MAPRE2: variants seen among roughly 807,000 people sequenced by gnomAD.
MAPRE2 encodes microtubule associated protein RP/EB family member 2, also known as microtubule-associated protein RP/EB family member 2.
MAPRE2 carries 13 observed loss-of-function variants against 43.2 expected under a neutral mutation model. The ratio of observed to expected loss-of-function variants is 0.30; its 90% CI spans 0.20 to 0.48. MAPRE2 has a LOEUF of 0.48. MAPRE2 is among the 20% of genes least tolerant of loss of function. The pLI is 0.99. For missense variants in MAPRE2, 161 were observed against 400.2 expected, an observed-to-expected ratio of 0.40 and a Z score of 5.10; for synonymous variants, 135 against 148.8, an observed-to-expected ratio of 0.91 and a Z score of 0.68.
chr18:35,083,214 A>G (rs149767107), intron 2 of MAPRE2, among the ~76,000 whole-genome samples: 10 of 152,314 alleles, frequency 6.6e-5, no homozygotes, highest in African/African-American at 2.2e-4. Context: ...TATTTAATCA[A>G]TCCTTTAAAA....
At chr18:35,096,366 AAAAGG>A (rs1470662164) in intron 2 of MAPRE2, among the ~76,000 whole-genome samples, 1 of 152,220 alleles carries the variant, frequency 6.6e-6, no homozygotes, top group East Asian at 1.9e-4. Flanking sequence ...CTTGTAAAAG[AAAAGG>A]AATCATTCTG....
chr18:35,132,138 A>G lies in MAPRE2; in HGVS notation c.857A>G (p.Asn286Ser). 6.2e-7 allele frequency: 1 copy of G among 1,614,248 alleles called. No homozygotes were observed. Among genetic ancestry groups the G allele is most frequent in the East Asian group, 2.2e-5 (1 of 44,888 alleles). Residue 286 changes from asparagine (N) to serine (S), a missense_variant, in exon 6 of 7, where the codon AAT becomes AGT. By Grantham distance (46) the Asn-to-Ser change is conservative. Coordinates refer to ENST00000300249, the MANE Select transcript of MAPRE2 (RefSeq NM_014268.4). Reference sequence around the variant, plus strand: ...CTCTGCCAAGAACACGGGCAGGAAAATGATGACCTCGTGCAGAGACTAATG... The same window carrying G: ...CTCTGCCAAGAACACGGGCAGGAAAGTGATGACCTCGTGCAGAGACTAATG... ...ELLCQEHGQE[N>S]DDLVQRLMDI... is the part of the protein sequence containing the mutation.
At chr18:35,094,686 A>G (rs182754373) in intron 2 of MAPRE2, among the ~76,000 whole-genome samples, 15 of 152,322 alleles carry the variant, frequency 9.8e-5, no homozygotes, top group African/African-American at 3.6e-4. Context: ...CTCAGAGTCA[A>G]TGGAAAGCCG....
chr18:35,109,751 C>G (rs1043424605), intron 4 of MAPRE2, among the ~76,000 whole-genome samples: 29 of 152,030 alleles, frequency 1.9e-4, no homozygotes, highest in Non-Finnish European at 1.3e-4. Context: ...TCAGGTCTTG[C>G]TTTTTTATTC....
At chr18:35,016,261 T>C (rs1206152857) in intron 2 of MAPRE2, among the ~76,000 whole-genome samples, 1 of 152,150 alleles carries the variant, frequency 6.6e-6, no homozygotes, top group South Asian at 2.1e-4. Flanking sequence ...GCAGTGAAAG[T>C]GCAAGTGTAT....
chr18:35,008,199 A>T (rs559544015), intron 2 of MAPRE2, among the ~76,000 whole-genome samples: 1 of 152,096 alleles, frequency 6.6e-6, no homozygotes, highest in South Asian at 2.1e-4. Context: ...CTCAGGTGAC[A>T]CCTGAGTCTT....
intron 2 of MAPRE2, among the ~76,000 whole-genome samples, chr18:35,084,045 C>A (rs2144134466): frequency 6.6e-6 from 1 of 152,268 alleles, no homozygotes; most frequent in East Asian, 1.9e-4. Flanking sequence ...TAATGTAGTT[C>A]TGCAGGCTTC....
intron 2 of MAPRE2, among the ~76,000 whole-genome samples, chr18:35,009,217 C>T (rs1173141411): frequency 2.0e-5 from 3 of 152,034 alleles, no homozygotes; most frequent in Non-Finnish European, 2.9e-5. Context: ...GAGATGACAT[C>T]TGAGCTGAGC....
At position 35,005,671 on chromosome 18, in the gene MAPRE2, G is replaced by A. The variant is rs892371189; in HGVS notation, c.-8+118G>A. On this transcript the variant is annotated intron_variant, in intron 2 of 7. Transcript: ENST00000413393. ...AAAATTCCAGTACACAATTAAAGCCGATATTTGAGTAAATATGCTCTTTTA... is the reference window on the plus strand; with the variant it reads ...AAAATTCCAGTACACAATTAAAGCCAATATTTGAGTAAATATGCTCTTTTA... The A allele has an allele frequency of 4.6e-5, 24 of 521,764 alleles. No individual in the cohort carries two copies. The Middle Eastern group carries it at 9.7e-4, about 21-fold the overall frequency. 32.3% of individuals were successfully genotyped at this position (521,764 alleles called of 1,614,324 possible).
At chr18:34,985,537 T>TATATATTATATTTATAA (rs1568962045) in intron 1 of MAPRE2, among the ~76,000 whole-genome samples, 4 of 47,068 alleles carry the variant, frequency 8.5e-5, no homozygotes, top group Admixed American at 3.9e-4. Flanking sequence ...ATAAATATAA[T>TATATATTATATTTATAA]ATATAATATA....
At chr18:35,064,037 G>A (rs1359972399) in intron 1 of MAPRE2, among the ~76,000 whole-genome samples, 1 of 81,096 alleles carries the variant, frequency 1.2e-5, no homozygotes, top group Non-Finnish European at 3.0e-5. Context: ...AAAAAAATCT[G>A]GCCAACGTGA....
chr18:35,038,970 C>G (rs561320909), upstream of MAPRE2, among the ~76,000 whole-genome samples: 19 of 152,350 alleles, frequency 1.2e-4, no homozygotes, highest in South Asian at 3.5e-3. Flanking sequence ...AAATTCTTGG[C>G]CATCATCCCA....
In MAPRE2 at chr18:35,130,156, G is replaced by T. The variant is rs530044441; in HGVS notation, c.751-1876G>T. On this transcript the variant is annotated intron_variant, in intron 5 of 6. Transcript: ENST00000300249. ...CTTGCCTGGTACAGGGGGCTGGGGGGGGGTGGCACATCTAAGCTGCCACAG... is the reference window on the plus strand; with the variant it reads ...CTTGCCTGGTACAGGGGGCTGGGGGTGGGTGGCACATCTAAGCTGCCACAG... 5.3e-5 allele frequency among the ~76,000 whole-genome samples: 8 copies of T among 152,114 alleles called. No individual in the cohort carries two copies. The South Asian group carries it at 6.2e-4, about 12-fold the overall frequency.
intron 2 of MAPRE2, among the ~76,000 whole-genome samples, chr18:35,007,274 T>C (rs2097032291): frequency 6.6e-6 from 1 of 152,188 alleles, no homozygotes; most frequent in Non-Finnish European, 1.5e-5. Flanking sequence ...TAGTTAGCAC[T>C]GCCTTTCACC....
At position 35,126,843 on chromosome 18, in the gene MAPRE2, C is replaced by T. The variant is rs995347252; in HGVS notation, c.611-105C>T. The T allele has an allele frequency of 4.3e-6, 4 of 919,986 alleles. No homozygotes were observed. In the South Asian group the frequency reaches 6.7e-5, roughly 15 times the overall value. 57.0% of individuals were successfully genotyped at this position (919,986 alleles called of 1,614,324 possible). ...TATGGGAAGGGATCACTGGAGGTATCTCTTATATGTTGTTGTAAGCTCTTT... is the reference window on the plus strand; with the variant it reads ...TATGGGAAGGGATCACTGGAGGTATTTCTTATATGTTGTTGTAAGCTCTTT... On this transcript the variant is annotated intron_variant, in intron 4 of 6. Coordinates refer to ENST00000300249, the MANE Select transcript of MAPRE2 (RefSeq NM_014268.4).
chr18:34,990,376 G>T (rs2097023151), intron 1 of MAPRE2, among the ~76,000 whole-genome samples: 1 of 152,110 alleles, frequency 6.6e-6, no homozygotes, highest in South Asian at 2.1e-4. Context: ...TTTTGGTAAG[G>T]GTTTAGAAGG....
intron 2 of MAPRE2, among the ~76,000 whole-genome samples, chr18:35,023,704 C>T (rs1233255731): frequency 6.6e-6 from 1 of 151,584 alleles, no homozygotes; most frequent in Non-Finnish European, 1.5e-5. Context: ...TTTGGTGGTC[C>T]AGTAGATGTT....
At chr18:35,119,568 A>G (rs1569011069) in intron 4 of MAPRE2, among the ~76,000 whole-genome samples, 1 of 152,234 alleles carries the variant, frequency 6.6e-6, no homozygotes, top group Admixed American at 6.5e-5. Context: ...CTCAATAAAA[A>G]TTTGCACAAA....
rs202170671 is a variant in MAPRE2 at position 35,086,682 on chromosome 18, T to TA, written c.251-10752dup. Among the ~76,000 whole-genome samples, 195 of 146,308 alleles carry TA rather than the reference T, an allele frequency of 1.3e-3. 1 individual carries two copies. Among genetic ancestry groups the TA allele is most frequent in the East Asian group, 9.9e-3 (50 of 5,070 alleles). On this transcript the variant is annotated intron_variant, in intron 2 of 6. Transcript: ENST00000300249. ...GCATAGAAAAAAGGAATGTTTTTCT[T>TA]AAAAAAAAAAAATTGAAGTTCAGAT...
Sources: allele counts gnomAD v4.1 joint callset (sites outside exome capture counted in the v4.1 genomes callset), GRCh38; gene constraint gnomAD v4.1.1; transcripts MANE v1.5; gene names NCBI Gene and HGNC (gene_info 2026-07-23, HGNC 2026-07-21).